The following MYO9A variants were observed in gnomAD, a reference collection of about 807,000 sequenced individuals.
The protein encoded by MYO9A is unconventional myosin-IXa.
In MYO9A, 103 loss-of-function variants were observed where a neutral mutation model predicts 293.3. The observed-to-expected ratio is 0.35, with a 90% CI of 0.30 to 0.41. The LOEUF (loss-of-function observed/expected upper bound fraction) is 0.41. Ranked by LOEUF, MYO9A falls within the 10% of genes least tolerant of loss-of-function variation. The pLI is 1.00. For missense variants in MYO9A, 2,685 were observed against 3,033.0 expected, an observed-to-expected ratio of 0.89 and a Z score of 2.69; for synonymous variants, 1,001 against 1,035.7, an observed-to-expected ratio of 0.97 and a Z score of 0.64.
chr15:71,897,261 TGA>T, intron 25 of MYO9A, 198 bp downstream of exon 25: 3 of 583,826 alleles, frequency 5.1e-6, no homozygotes, highest in Non-Finnish European at 8.9e-6. Flanking sequence ...CTGCTATTCA[TGA>T]TCAGTCAAGG....
intron 15 of MYO9A, among the ~76,000 whole-genome samples, chr15:71,950,666 T>C (rs1222380902): frequency 6.6e-6 from 1 of 152,214 alleles, no homozygotes; most frequent in Non-Finnish European, 1.5e-5. Flanking sequence ...AAATACTGTT[T>C]TTCAAAACAC....
At chr15:71,985,178 C>T (rs2076379052) in intron 11 of MYO9A, among the ~76,000 whole-genome samples, 1 of 152,170 alleles carries the variant, frequency 6.6e-6, no homozygotes, top group Admixed American at 6.5e-5. Flanking sequence ...CCTCAGCCCC[C>T]TAAAGTGCTG....
intron 1 of MYO9A, among the ~76,000 whole-genome samples, chr15:72,082,931 T>C (rs763927917): frequency 3.3e-5 from 5 of 150,878 alleles, no homozygotes; most frequent in Non-Finnish European, 7.4e-5. Flanking sequence ...TTTGCCAGTA[T>C]CCTGTTGAGG....
intron 27 of MYO9A, among the ~76,000 whole-genome samples, chr15:71,887,395 C>T (rs193248679): frequency 3.3e-5 from 5 of 152,236 alleles, no homozygotes; most frequent in Admixed American, 6.5e-5. Flanking sequence ...CTCCCCTGTT[C>T]GCCTAAAAGC....
intron 13 of MYO9A, 145 bp downstream of exon 13, chr15:71,967,839 A>G (rs2075915542): frequency 2.5e-6 from 2 of 788,878 alleles, no homozygotes; most frequent in African/African-American, 3.5e-5. Context: ...GAAAAGCAGA[A>G]TCTAAGTTTT....
chr15:71,959,716 A>G (rs2059281908), intron 14 of MYO9A, 185 bp downstream of exon 14: 4 of 594,290 alleles, frequency 6.7e-6, no homozygotes, highest in Non-Finnish European at 1.2e-5. Flanking sequence ...TAACTCTTTT[A>G]CAGAAAAGAA....
chr15:71,918,511 T>A (rs1218424676), intron 18 of MYO9A, among the ~76,000 whole-genome samples: 6 of 152,294 alleles, frequency 3.9e-5, no homozygotes, highest in African/African-American at 1.2e-4. Flanking sequence ...AAAAGCCATG[T>A]AAAACAACAC....
At chr15:72,021,045 CATA>C in intron 4 of MYO9A, 28 bp from the exon 5 acceptor site, 1 of 1,409,568 alleles carries the variant, frequency 7.1e-7, no homozygotes, top group Non-Finnish European at 9.7e-7. Flanking sequence ...GTACAAGTTT[CATA>C]ATGTGTGACT....
At chr15:71,891,261 C>G (rs1329655350) in intron 26 of MYO9A, 2 of 152,138 alleles carry the variant, frequency 1.3e-5, no homozygotes, top group Non-Finnish European at 2.9e-5. Context: ...ATGCAGTGAC[C>G]GTCAAGCAGG....
chr15:72,058,375 A>AC (rs1261258118), intron 1 of MYO9A, among the ~76,000 whole-genome samples: 15 of 152,328 alleles, frequency 9.8e-5, no homozygotes, highest in African/African-American at 3.6e-4. Context: ...GATATACATT[A>AC]CCTAATTTGA....
At chr15:71,974,898 T>G (rs759312344) in intron 12 of MYO9A, among the ~76,000 whole-genome samples, 1 of 152,158 alleles carries the variant, frequency 6.6e-6, no homozygotes, top group Non-Finnish European at 1.5e-5. Context: ...GAGGAAAAGT[T>G]TGGGAACTAC....
intron 1 of MYO9A, among the ~76,000 whole-genome samples, chr15:72,077,744 AAAAAAAAAATAT>A (rs1191677795): frequency 7.5e-4 from 31 of 41,328 alleles, no homozygotes; most frequent in African/African-American, 2.4e-3. Flanking sequence ...AAAAAAAAAA[AAAAAAAAAATAT>A]ATATATATAT....
At chr15:72,106,236 G>A (rs931649121) in intron 1 of MYO9A, among the ~76,000 whole-genome samples, 1 of 144,944 alleles carries the variant, frequency 6.9e-6, no homozygotes, top group African/African-American at 2.5e-5. Flanking sequence ...TCAGCACTCT[G>A]GGAGGCTGAG....
chr15:71,911,053 A>G (rs1277570921), intron 19 of MYO9A, among the ~76,000 whole-genome samples: 1 of 151,578 alleles, frequency 6.6e-6, no homozygotes, highest in African/African-American at 2.4e-5. Flanking sequence ...CCCCCAAAAA[A>G]CTCCCTCCTG....
chr15:71,924,527 C>T (rs1391071430), intron 18 of MYO9A, among the ~76,000 whole-genome samples: 1 of 152,012 alleles, frequency 6.6e-6, no homozygotes, highest in East Asian at 1.9e-4. Flanking sequence ...CAGGTGTGAG[C>T]CAAGGCCCCC....
intron 39 of MYO9A, among the ~76,000 whole-genome samples, chr15:71,843,489 TTTTG>T (rs1362791628): frequency 6.6e-6 from 1 of 152,046 alleles, no homozygotes; most frequent in Non-Finnish European, 1.5e-5. Flanking sequence ...TCAGCTACTC[TTTTG>T]TTTGTTTTTG....
intron 15 of MYO9A, among the ~76,000 whole-genome samples, chr15:71,941,865 C>A (rs141944361): frequency 2.6e-5 from 4 of 152,044 alleles, no homozygotes; most frequent in East Asian, 3.9e-4. Context: ...CTTTAAAATG[C>A]CAAAAATTTG....
At chr15:72,071,006 A>T (rs902563074) in intron 1 of MYO9A, among the ~76,000 whole-genome samples, 1 of 152,252 alleles carries the variant, frequency 6.6e-6, no homozygotes, top group Admixed American at 6.5e-5. Context: ...CAAAGAATTT[A>T]TGACTAAGAC....
intron 26 of MYO9A, chr15:71,890,029 T>C (rs1330451201): frequency 6.6e-6 from 1 of 152,218 alleles, no homozygotes; most frequent in Admixed American, 6.5e-5. Flanking sequence ...CAAAATCACC[T>C]AGCCCAGGTC....
Sources: gnomAD v4.1 joint callset for allele counts (sites outside exome capture counted in the v4.1 genomes callset) on GRCh38, gnomAD v4.1.1 for gene constraint, MANE v1.5 for transcripts, NCBI Gene and HGNC (gene_info 2026-07-23, HGNC 2026-07-21) for gene names.